The following CELF2 variants were observed in gnomAD, a reference collection of about 807,000 sequenced individuals.
The protein encoded by CELF2 is CUGBP Elav-like family member 2.
Under a neutral mutation model 62.6 loss-of-function variants are expected in CELF2, and 8 were observed. The observed-to-expected ratio is 0.13, with a 90% CI of 0.07 to 0.23. The LOEUF is 0.23. Ranked by LOEUF, CELF2 falls within the 10% of genes least tolerant of loss-of-function variation. The pLI, the probability that CELF2 is intolerant of heterozygous loss-of-function variation, is 1.00. For missense variants in CELF2, 333 were observed against 671.0 expected (o/e 0.50, Z 5.56); for synonymous variants, 258 against 250.0 (o/e 1.03, Z -0.30).
rs539641329 is a variant in CELF2, at chr10:10,972,504, T to C, written c.89+52505T>C. Among the ~76,000 whole-genome samples, 1 of 152,222 alleles carries C rather than the reference T, an allele frequency of 6.6e-6. No homozygotes were observed. The highest frequency in any genetic ancestry group is 1.5e-5 in the Non-Finnish European group (1 of 68,036). ...CTGTCCTTGTAATTCTCCTTTCTCTTGGTATTTCTCAGCTTTCTGCTTTGA... is the reference window on the plus strand; with the variant it reads ...CTGTCCTTGTAATTCTCCTTTCTCTCGGTATTTCTCAGCTTTCTGCTTTGA... On this transcript the variant is annotated intron_variant, in intron 2 of 13. Coordinates refer to the CELF2 transcript ENST00000636488. This position sits in a 1 kb window ranked among gnomAD's most constrained non-coding sequence, Gnocchi z 4.4.
intron 2 of CELF2, among the ~76,000 whole-genome samples, chr10:11,183,749 G>C (rs1418608950): frequency 6.6e-6 from 1 of 152,170 alleles, no homozygotes; most frequent in African/African-American, 2.4e-5. Context: ...CTTCAATTCA[G>C]ATCTTTTGCT....
intron 1 of CELF2, among the ~76,000 whole-genome samples, chr10:11,089,246 C>A (rs1380889562): frequency 6.6e-6 from 1 of 152,190 alleles, no homozygotes. Flanking sequence ...TTGAAACACA[C>A]AGTAGGCCAC....
At chr10:10,731,558 A>T in the CELF2 span, among the ~76,000 whole-genome samples, 1 of 152,236 alleles carries the variant, frequency 6.6e-6, no homozygotes, top group African/African-American at 2.4e-5. Context: ...GGAAATATGG[A>T]AACTGGTATT....
At chr10:11,229,476 G>T (rs1156853475) in intron 3 of CELF2, among the ~76,000 whole-genome samples, 1 of 152,110 alleles carries the variant, frequency 6.6e-6, no homozygotes, top group Non-Finnish European at 1.5e-5. Context: ...ATAAAACCGG[G>T]GCAGTGATTC....
chr10:11,068,524 G>T (rs1034956347), intron 1 of CELF2, among the ~76,000 whole-genome samples: 2 of 151,946 alleles, frequency 1.3e-5, no homozygotes, highest in Non-Finnish European at 2.9e-5. Flanking sequence ...TTTCATAGAG[G>T]TCTTTGAAGG....
At chr10:10,741,090 CT>C in the CELF2 span, among the ~76,000 whole-genome samples, 1 of 151,804 alleles carries the variant, frequency 6.6e-6, no homozygotes. Context: ...GCTCTTACCA[CT>C]AAAAAAAAGT....
chr10:10,987,528 A>G (rs2052913236), intron 2 of CELF2, among the ~76,000 whole-genome samples: 1 of 152,166 alleles, frequency 6.6e-6, no homozygotes, highest in Non-Finnish European at 1.5e-5. Flanking sequence ...AGTCTTTGGG[A>G]CTTCTAGTTA....
the CELF2 span, among the ~76,000 whole-genome samples, chr10:10,530,646 C>T: frequency 1.3e-5 from 2 of 152,166 alleles, no homozygotes; most frequent in Non-Finnish European, 2.9e-5. Flanking sequence ...CCTCTTTGCT[C>T]TTTCCTCTTT....
chr10:10,587,244 T>A, the CELF2 span, among the ~76,000 whole-genome samples: 1 of 152,216 alleles, frequency 6.6e-6, no homozygotes, highest in Non-Finnish European at 1.5e-5. Flanking sequence ...CATGGGGATT[T>A]ATCAAAAATT....
the CELF2 span, among the ~76,000 whole-genome samples, chr10:10,546,335 G>A: frequency 0.016 from 2,472 of 152,242 alleles, 68 homozygotes; most frequent in African/African-American, 0.055. Flanking sequence ...ATAGCCTCAC[G>A]GATGCTTTTG....
At chr10:11,029,206 T>C (rs565305619) in intron 1 of CELF2, among the ~76,000 whole-genome samples, 1 of 151,974 alleles carries the variant, frequency 6.6e-6, no homozygotes, top group South Asian at 2.1e-4. Context: ...AGACAAGGGG[T>C]TTGGGGTATG....
the CELF2 span, among the ~76,000 whole-genome samples, chr10:10,626,421 A>G: frequency 6.6e-6 from 1 of 152,192 alleles, no homozygotes; most frequent in Admixed American, 6.5e-5. Flanking sequence ...AACGAGTTTC[A>G]TATGCAGTTA....
chr10:10,711,991 A>G, the CELF2 span, among the ~76,000 whole-genome samples: 6 of 152,060 alleles, frequency 3.9e-5, no homozygotes, highest in African/African-American at 1.4e-4. Flanking sequence ...TGTGCAAGGA[A>G]GAAGCCGAGC....
chr10:11,091,523 T>C (rs1017199123), intron 1 of CELF2, among the ~76,000 whole-genome samples: 5 of 152,230 alleles, frequency 3.3e-5, no homozygotes, highest in Admixed American at 1.3e-4. Context: ...CCTTTCCTCA[T>C]TTTTTAAAGA....
intron 2 of CELF2, chr10:10,960,359 G>A (rs1228666859): frequency 6.6e-6 from 1 of 152,202 alleles, no homozygotes; most frequent in Non-Finnish European, 1.5e-5. Context: ...ACTCCCAACT[G>A]ACTGGTATTC....
chr10:10,616,369 T>C, the CELF2 span, among the ~76,000 whole-genome samples: 1 of 150,798 alleles, frequency 6.6e-6, no homozygotes, highest in African/African-American at 2.4e-5. Flanking sequence ...TCAGAACCTA[T>C]TGGTTGGAGG....
the CELF2 span, among the ~76,000 whole-genome samples, chr10:10,689,311 T>A: frequency 1.3e-5 from 2 of 152,088 alleles, no homozygotes; most frequent in Non-Finnish European, 2.9e-5. Flanking sequence ...TGCCACACAC[T>A]TTTAAACCAT....
chr10:11,326,508 C>T (rs1473883282), intron 12 of CELF2, among the ~76,000 whole-genome samples: 8 of 152,298 alleles, frequency 5.3e-5, no homozygotes, highest in Middle Eastern at 6.9e-3. Context: ...GGAATGAATG[C>T]GGAGTCCAGG....
intron 1 of CELF2, among the ~76,000 whole-genome samples, chr10:11,103,314 T>C (rs1344734168): frequency 6.8e-6 from 1 of 147,760 alleles, no homozygotes; most frequent in Non-Finnish European, 1.5e-5. Context: ...GCTCCGATGC[T>C]TTCTTGTACA....
Sources: gnomAD v4.1 joint callset for allele counts (sites outside exome capture counted in the v4.1 genomes callset) on GRCh38, gnomAD v4.1.1 for gene constraint, Gnocchi (gnomAD v3.1) non-coding constraint, MANE v1.5 for transcripts, NCBI Gene and HGNC (gene_info 2026-07-23, HGNC 2026-07-21) for gene names.